The following HSPA4 variants were observed in gnomAD, a reference collection of about 807,000 sequenced individuals.
The protein encoded by HSPA4 is heat shock protein family A (Hsp70) member 4.
In HSPA4, 25 loss-of-function variants were observed where a neutral mutation model predicts 106.2. That is an observed-to-expected ratio of 0.24 (90% CI 0.17 to 0.33). HSPA4 has a LOEUF of 0.33. Among genes scored for constraint, HSPA4 ranks in the 10% least tolerant of loss-of-function variants. The pLI, the probability that HSPA4 is intolerant of heterozygous loss-of-function variation, is 1.00. For synonymous variants in HSPA4, 332 were observed against 333.6 expected (o/e 1.00, Z 0.05); for missense variants, 841 against 996.0 (o/e 0.84, Z 2.10).
intron 17 of HSPA4, among the ~76,000 whole-genome samples, chr5:133,102,425 C>T (rs1338598277): frequency 2.6e-5 from 4 of 152,134 alleles, no homozygotes; most frequent in African/African-American, 9.7e-5. Context: ...GTTTCCTTTT[C>T]GTTGGTGTTT....
At chr5:133,066,736 C>CTTTTTT (rs58483780) in intron 2 of HSPA4, among the ~76,000 whole-genome samples, 15 of 129,444 alleles carry the variant, frequency 1.2e-4, no homozygotes, top group African/African-American at 4.0e-4. Context: ...TTTCTTTTTT[C>CTTTTTT]TTTTTTTTTT....
intron 16 of HSPA4, among the ~76,000 whole-genome samples, chr5:133,100,627 A>G (rs1226770362): frequency 2.0e-5 from 3 of 152,164 alleles, no homozygotes; most frequent in Non-Finnish European, 4.4e-5. Context: ...TCTACTAAAA[A>G]TACAAAAATT....
intron 3 of HSPA4, 64 bp downstream of exon 3, chr5:133,067,621 CTA>C: frequency 7.6e-7 from 1 of 1,319,878 alleles, no homozygotes; most frequent in Non-Finnish European, 1.1e-6. Context: ...AGTTCAATAT[CTA>C]TCTGTACTTT....
intron 16 of HSPA4, among the ~76,000 whole-genome samples, chr5:133,100,642 G>C (rs1296015536): frequency 1.3e-5 from 2 of 152,108 alleles, no homozygotes; most frequent in Non-Finnish European, 2.9e-5. Context: ...AAAATTAGCC[G>C]AGCGTGGTGG....
At chr5:133,065,241 T>C (rs1765293138) in intron 2 of HSPA4, among the ~76,000 whole-genome samples, 1 of 152,020 alleles carries the variant, frequency 6.6e-6, no homozygotes, top group Admixed American at 6.6e-5. Context: ...CAACTGTGGA[T>C]CAAAAATATT....
intron 4 of HSPA4, among the ~76,000 whole-genome samples, chr5:133,072,063 G>GT (rs1765388754): frequency 6.6e-6 from 1 of 152,096 alleles, no homozygotes; most frequent in Admixed American, 6.6e-5. Flanking sequence ...ATTGGAATGC[G>GT]TAAGTGTCTT....
rs1561589181 is a variant in HSPA4, at chr5:133,106,135, T to C, written c.*1699T>C. ...TTTTTTTTTTTTTTTTTTTTTTTTT[T>C]TTTTTGGTGTGTGTGTGTGTGTGTG... On this transcript the variant is annotated 3_prime_UTR_variant, in exon 19 of 19. Transcript: ENST00000304858. 1 of 58,012 alleles carries C rather than the reference T, an allele frequency of 1.7e-5. No homozygotes were observed. Among genetic ancestry groups the C allele is most frequent in the African/African-American group, 7.7e-5 (1 of 13,052 alleles). 3.6% of individuals were successfully genotyped at this position (58,012 alleles called of 1,614,324 possible). A position where few individuals can be genotyped will look rare whatever the true frequency, so the allele number is the denominator to read the frequency against.
chr5:133,055,213 T>C (rs1044278471), intron 1 of HSPA4, among the ~76,000 whole-genome samples: 15 of 152,046 alleles, frequency 9.9e-5, no homozygotes. Context: ...ATGCCATACA[T>C]TTCAAGTGAT....
intron 12 of HSPA4, 57 bp from the exon 13 acceptor site, chr5:133,092,643 G>A (rs986338143): frequency 2.7e-6 from 3 of 1,097,372 alleles, no homozygotes; most frequent in South Asian, 1.3e-5. Flanking sequence ...TTGTCAATGT[G>A]TAATGAAGGT....
chr5:133,062,276 A>C (rs1024470199), intron 1 of HSPA4, among the ~76,000 whole-genome samples: 1 of 152,212 alleles, frequency 6.6e-6, no homozygotes, highest in South Asian at 2.1e-4. Context: ...GATTTGCAGG[A>C]AAGTTGGGGA....
chr5:133,060,679 C>T (rs1765230150), intron 1 of HSPA4, among the ~76,000 whole-genome samples: 1 of 151,816 alleles, frequency 6.6e-6, no homozygotes, highest in South Asian at 2.1e-4. Flanking sequence ...ACATACTGAC[C>T]CAATTCAGCA....
chr5:133,077,917 G>C (rs1765465717), intron 7 of HSPA4, among the ~76,000 whole-genome samples: 1 of 152,178 alleles, frequency 6.6e-6, no homozygotes, highest in African/African-American at 2.4e-5. Context: ...ATGAAGTCTG[G>C]AGGTAAGCCA....
At chr5:133,052,412 C>T in intron 1 of HSPA4, 55 bp downstream of exon 1, 2 of 1,185,444 alleles carry the variant, frequency 1.7e-6, no homozygotes, top group Middle Eastern at 2.0e-4. Flanking sequence ...AATGCTTGTT[C>T]CAGTCTGGGA....
chr5:133,077,029 A>G (rs1422024162), intron 7 of HSPA4, 131 bp downstream of exon 7: 9 of 814,874 alleles, frequency 1.1e-5, no homozygotes, highest in Non-Finnish European at 1.7e-5. Flanking sequence ...TAAAAATTAG[A>G]AGCCATTCAG....
Position 133,101,851 on chromosome 5 carries a change from GA to G in HSPA4, c.2134del (p.Ile712Ter). On this transcript the variant is annotated frameshift_variant, in exon 17 of 19. Coordinates refer to ENST00000304858, the MANE Select transcript of HSPA4 (RefSeq NM_002154.4). LOFTEE classifies it high-confidence loss of function. The stretch of plus-strand genomic sequence containing the variant: ...TAGGGAAACAGATCCAACAGTATAT[GA>G]AAATAATCAGCTCTTTCAAAAACAA... ...ELGKQIQQYMKIISSFKNKED... is the reference protein window; with the variant it reads ...ELGKQIQQYMXIISSFKNKED... 1 of 1,577,634 alleles carries G rather than the reference GA, an allele frequency of 6.3e-7. No homozygotes were observed. The highest frequency in any genetic ancestry group is 1.1e-5 in the South Asian group (1 of 86,994).
At chr5:133,096,678 C>T (rs1765715973) in intron 14 of HSPA4, among the ~76,000 whole-genome samples, 1 of 152,184 alleles carries the variant, frequency 6.6e-6, no homozygotes, top group African/African-American at 2.4e-5. Context: ...AATATAGTAA[C>T]TCTTACTGAG....
At chr5:133,096,799 C>G (rs369437618) in intron 14 of HSPA4, among the ~76,000 whole-genome samples, 2 of 152,180 alleles carry the variant, frequency 1.3e-5, no homozygotes, top group East Asian at 3.9e-4. Context: ...ATGGAAACTT[C>G]AGCATTTATA....
intron 4 of HSPA4, among the ~76,000 whole-genome samples, chr5:133,071,964 T>G (rs1037418262): frequency 3.3e-5 from 5 of 152,170 alleles, no homozygotes; most frequent in Non-Finnish European, 5.9e-5. Flanking sequence ...CTTCCATTGG[T>G]CTCCCAGATT....
Position 133,067,424 on chromosome 5 carries a change from C to T in HSPA4, c.173C>T (p.Ser58Phe). The T allele has an allele frequency of 6.2e-7, 1 of 1,609,228 alleles. No homozygotes were observed. The highest frequency in any genetic ancestry group is 8.5e-7 in the Non-Finnish European group (1 of 1,178,072). ...IGAAAKSQVISNAKNTVQGFK... is the reference protein window; with the variant it reads ...IGAAAKSQVIFNAKNTVQGFK... ...TGATATTCTTTCTCTTAGGTAATTT[C>T]TAATGCAAAGAACACAGTCCAAGGA... The change falls in exon 3 of 19, where the codon TCT becomes TTT. Residue 58 changes from serine to phenylalanine, a missense_variant. Physicochemically the swap from Ser to Phe is radical, Grantham distance 155 (BLOSUM62 -2). Around this residue, in one of 5 missense-constraint regions of HSPA4, gnomAD observed 347 missense variants for 408.7 expected, o/e 0.85. Transcript: ENST00000304858.
Sources: allele counts gnomAD v4.1 joint callset (sites outside exome capture counted in the v4.1 genomes callset), GRCh38; gene constraint gnomAD v4.1.1; regional missense constraint gnomAD v4.1.1; transcripts MANE v1.5; gene names NCBI Gene and HGNC (gene_info 2026-07-23, HGNC 2026-07-21).